Variants in RFTN2 observed in about 807,000 individuals in gnomAD.
RFTN2 encodes raftlin-2.
Under a neutral mutation model 52.7 loss-of-function variants are expected in RFTN2, and 34 were observed. The ratio of observed to expected loss-of-function variants is 0.64; its 90% CI spans 0.49 to 0.86. The LOEUF (loss-of-function observed/expected upper bound fraction) is 0.86. RFTN2 is among the 40% of genes least tolerant of loss of function. RFTN2 has a pLI of 0.00. For synonymous variants in RFTN2, 203 were observed against 217.7 expected, an observed-to-expected ratio of 0.93 and a Z score of 0.59; for missense variants, 536 against 600.1, an observed-to-expected ratio of 0.89 and a Z score of 1.12.
chr2:197,670,316 C>T (rs1441851563), intron 1 of RFTN2, among the ~76,000 whole-genome samples: 4 of 152,166 alleles, frequency 2.6e-5, no homozygotes, highest in African/African-American at 9.7e-5. Context: ...GTTGTTTACA[C>T]CTTTGGGCTA....
chr2:197,645,630 C>T (rs1222844990), intron 2 of RFTN2, among the ~76,000 whole-genome samples: 1 of 152,176 alleles, frequency 6.6e-6, no homozygotes, highest in South Asian at 2.1e-4. Context: ...AAATAAAAAA[C>T]ACTACAATGG....
At chr2:197,619,592 G>A (rs1384815238) in intron 5 of RFTN2, among the ~76,000 whole-genome samples, 1 of 148,218 alleles carries the variant, frequency 6.7e-6, no homozygotes, top group Non-Finnish European at 1.5e-5. Flanking sequence ...AGTACCCAGG[G>A]ACACAAACAC....
chr2:197,639,787 C>G (rs1359691131), intron 3 of RFTN2, among the ~76,000 whole-genome samples: 1 of 143,446 alleles, frequency 7.0e-6, no homozygotes, highest in Non-Finnish European at 1.5e-5. Flanking sequence ...TGGTGAGGAA[C>G]TGCGTTCCTT....
chr2:197,638,098 G>A (rs973856910), intron 3 of RFTN2, among the ~76,000 whole-genome samples: 2 of 151,216 alleles, frequency 1.3e-5, no homozygotes, highest in East Asian at 3.9e-4. Flanking sequence ...ACTGTGGTCT[G>A]AGAGATAGTT....
Position 197,675,019 on chromosome 2 carries a change from C to T in RFTN2, c.139+301G>A, listed in dbSNP as rs1000244531. Among the ~76,000 whole-genome samples the T allele has an allele frequency of 7.9e-5, 12 of 152,052 alleles. 1 individual carries two copies. In the Middle Eastern group the frequency reaches 0.01, roughly 130 times the overall value. ...TCACTAAGGCTATATAGCTATTTGT[C>T]CTGGAAATCAAGCATTTTTCATAAA... On this transcript the variant is annotated intron_variant, in intron 1 of 8. Transcript: ENST00000295049.
intron 3 of RFTN2, among the ~76,000 whole-genome samples, chr2:197,637,689 G>C (rs2088592126): frequency 6.6e-6 from 1 of 151,706 alleles, no homozygotes; most frequent in Non-Finnish European, 1.5e-5. Flanking sequence ...CAAAAAACCA[G>C]CTCCTGGATT....
chr2:197,628,349 G>A (rs2088403644), intron 5 of RFTN2, among the ~76,000 whole-genome samples: 1 of 152,000 alleles, frequency 6.6e-6, no homozygotes, highest in South Asian at 2.1e-4. Flanking sequence ...CCCCGTCTCC[G>A]TGACCCCCTC....
At chr2:197,590,857 A>G (rs2087697443) in intron 8 of RFTN2, among the ~76,000 whole-genome samples, 1 of 152,216 alleles carries the variant, frequency 6.6e-6, no homozygotes, top group Admixed American at 6.5e-5. Flanking sequence ...GCTACAGCTC[A>G]TAAAGACAGT....
intron 1 of RFTN2, among the ~76,000 whole-genome samples, chr2:197,671,183 C>T (rs1204318443): frequency 1.3e-5 from 2 of 152,220 alleles, no homozygotes; most frequent in Non-Finnish European, 2.9e-5. Context: ...AAGCCAGAAC[C>T]TTCCCATTTC....
At chr2:197,666,554 G>T (rs1274094789) in intron 1 of RFTN2, among the ~76,000 whole-genome samples, 1 of 152,130 alleles carries the variant, frequency 6.6e-6, no homozygotes, top group Non-Finnish European at 1.5e-5. Flanking sequence ...CTTTTCTCTT[G>T]CTGTTTTTAG....
chr2:197,588,206 AT>A (rs942212274), intron 8 of RFTN2, among the ~76,000 whole-genome samples: 1 of 152,116 alleles, frequency 6.6e-6, no homozygotes, highest in Non-Finnish European at 1.5e-5. Context: ...ATATTTTCCT[AT>A]TTTTTTCTCT....
rs551534154 is a variant in RFTN2, at chr2:197,642,673, A to T, written c.438+1485T>A. On this transcript the variant is annotated intron_variant, in intron 3 of 8. Transcript: ENST00000295049. ...ATTTTCTTAAAATCAATTCCTAAGG[A>T]GGGGATTAAAAAATAAAATGGGATT... 7.4e-4 allele frequency among the ~76,000 whole-genome samples: 113 copies of T among 152,202 alleles called. 1 individual carries two copies. The highest frequency in any genetic ancestry group is 2.6e-3 in the African/African-American group (110 of 41,524).
chr2:197,577,380 T>C (rs2087436123), intron 8 of RFTN2, among the ~76,000 whole-genome samples: 1 of 152,264 alleles, frequency 6.6e-6, no homozygotes, highest in Non-Finnish European at 1.5e-5. Context: ...TTGGTGGTTG[T>C]CACGTTTTCC....
chr2:197,675,469 G>C lies in RFTN2; in HGVS notation c.-11C>G, dbSNP rs1296665372. 1 of 1,537,434 alleles carries C rather than the reference G, an allele frequency of 6.5e-7. No individual in the cohort carries two copies. The highest frequency in any genetic ancestry group is 8.7e-7 in the Non-Finnish European group (1 of 1,143,026). On this transcript the variant is annotated 5_prime_UTR_variant, in exon 1 of 9. Coordinates refer to ENST00000295049, the MANE Select transcript of RFTN2 (RefSeq NM_144629.3). Reference sequence around the variant, plus strand: ...AAGTCCGCACCCCATGGCAAAATCTGTAAGGAATTAAATTGCAGGAAAGGG... The same window carrying C: ...AAGTCCGCACCCCATGGCAAAATCTCTAAGGAATTAAATTGCAGGAAAGGG...
At chr2:197,581,347 T>A (rs1303484552) in intron 8 of RFTN2, among the ~76,000 whole-genome samples, 1 of 152,194 alleles carries the variant, frequency 6.6e-6, no homozygotes, top group East Asian at 1.9e-4. Context: ...ATTCTGTTCT[T>A]GATCTTAAAG....
At chr2:197,618,854 C>T (rs2088199809) in intron 5 of RFTN2, among the ~76,000 whole-genome samples, 1 of 151,590 alleles carries the variant, frequency 6.6e-6, no homozygotes, top group African/African-American at 2.4e-5. Flanking sequence ...GCCCGGCAGC[C>T]GCCCCGTCTG....
Position 197,617,834 on chromosome 2 carries a change from T to A in RFTN2, c.1016A>T (p.Asp339Val). Residue 339 changes from aspartate (D) to valine (V), a missense_variant, in exon 6 of 9, where the codon GAT becomes GTT. Coordinates refer to ENST00000295049, the MANE Select transcript of RFTN2 (RefSeq NM_144629.3). ...AGTCCATTGTTCTACTACGATGGCA[T>A]CATTTCCTTTCCTACTAGAACCTGG... ...GVPGSSRKGNDAIVVEQWTVI... is the reference protein window; with the variant it reads ...GVPGSSRKGNVAIVVEQWTVI... 6.2e-7 allele frequency: 1 copy of A among 1,608,306 alleles called. No individual in the cohort carries two copies. The highest frequency in any genetic ancestry group is 8.5e-7 in the Non-Finnish European group (1 of 1,175,976).
chr2:197,628,547 C>T (rs2088407070), intron 5 of RFTN2, among the ~76,000 whole-genome samples: 1 of 152,172 alleles, frequency 6.6e-6, no homozygotes, highest in South Asian at 2.1e-4. Context: ...TTTTTCTGTT[C>T]AGCAGTTAGT....
intron 3 of RFTN2, among the ~76,000 whole-genome samples, chr2:197,640,025 G>T (rs1051366060): frequency 2.0e-5 from 3 of 151,770 alleles, no homozygotes; most frequent in Non-Finnish European, 4.4e-5. Flanking sequence ...TGCCCCTGCT[G>T]GGGGTGCCTC....
Sources: gnomAD v4.1 joint callset for allele counts (sites outside exome capture counted in the v4.1 genomes callset) on GRCh38, gnomAD v4.1.1 for gene constraint, MANE v1.5 for transcripts, NCBI Gene and HGNC (gene_info 2026-07-23, HGNC 2026-07-21) for gene names.